The following SS18L1 variants were observed in gnomAD, a reference collection of about 807,000 sequenced individuals.
The protein encoded by SS18L1 is calcium-responsive transactivator.
SS18L1 carries 32 observed loss-of-function variants against 70.3 expected under a neutral mutation model. The ratio of observed to expected loss-of-function variants is 0.46; its 90% CI spans 0.34 to 0.61. The LOEUF (loss-of-function observed/expected upper bound fraction) is 0.61. SS18L1 is among the 20% of genes least tolerant of loss of function. The pLI is 0.01. For synonymous variants in SS18L1, 237 were observed against 229.7 expected, an observed-to-expected ratio of 1.03 and a Z score of -0.29; for missense variants, 430 against 542.1, an observed-to-expected ratio of 0.79 and a Z score of 2.05.
intron 1 of SS18L1, among the ~76,000 whole-genome samples, chr20:62,153,511 C>T (rs986578057): frequency 1.3e-5 from 2 of 151,484 alleles, no homozygotes; most frequent in Non-Finnish European, 2.9e-5. Context: ...TGCACACCTG[C>T]GCTCCCCACT....
intron 8 of SS18L1, among the ~76,000 whole-genome samples, chr20:62,168,294 G>A (rs545917890): frequency 6.6e-6 from 1 of 152,232 alleles, no homozygotes; most frequent in South Asian, 2.1e-4. Flanking sequence ...CTGACATGAG[G>A]AGTGCACATA....
chr20:62,169,582 T>A (rs1325465027), intron 8 of SS18L1, among the ~76,000 whole-genome samples: 2 of 152,044 alleles, frequency 1.3e-5, no homozygotes, highest in Non-Finnish European at 2.9e-5. Context: ...AGTTTGAGAC[T>A]AGCCTGGCCA....
At chr20:62,153,321 CACAG>C (rs1300222947) in intron 1 of SS18L1, among the ~76,000 whole-genome samples, 4 of 152,174 alleles carry the variant, frequency 2.6e-5, no homozygotes, top group Non-Finnish European at 5.9e-5. Context: ...TGGGTGGGGA[CACAG>C]ACAGACCCTA....
intron 3 of SS18L1, 99 bp downstream of exon 3, chr20:62,160,060 A>T: frequency 1.6e-6 from 2 of 1,251,124 alleles, no homozygotes; most frequent in Non-Finnish European, 2.2e-6. Flanking sequence ...AGCAAAGATG[A>T]CTCAGAGAAA....
intron 10 of SS18L1, among the ~76,000 whole-genome samples, chr20:62,177,813 T>C (rs6062122): frequency 0.26 from 38,672 of 150,098 alleles, 9,048 homozygotes; most frequent in African/African-American, 0.63. Context: ...CCTCTGCCTC[T>C]CGGGTTCTAG....
Position 62,158,748 on chromosome 20 carries a change from A to G in SS18L1, c.146A>G (p.Gln49Arg), listed in dbSNP as rs1442463493. ...AAGGGCAAGACGGCCGAGTGCACGC[A>G]GTGAGTGCCCGCCATACACCGGAAC... ...QSKGKTAECT[Q>R]YQQILHRNLV... The change falls in exon 2 of 11, where the codon CAG becomes CGG. Residue 49 changes from glutamine (Q) to arginine (R), a missense_variant and splice_region_variant. By Grantham distance (43) the Gln-to-Arg change is conservative. Coordinates refer to ENST00000331758, the MANE Select transcript of SS18L1 (RefSeq NM_198935.3). The surrounding 1 kb of genome is among the most constrained non-coding windows in gnomAD (Gnocchi z 4.5). 1.2e-6 allele frequency: 2 copies of G among 1,612,976 alleles called. No homozygotes were observed. The highest frequency in any genetic ancestry group is 3.3e-5 in the Admixed American group (2 of 60,026).
chr20:62,171,107 T>A (rs1437190172), intron 8 of SS18L1, among the ~76,000 whole-genome samples: 1 of 152,168 alleles, frequency 6.6e-6, no homozygotes, highest in African/African-American at 2.4e-5. Context: ...TTTCACCATG[T>A]TAGCCAGGAT....
intron 1 of SS18L1, among the ~76,000 whole-genome samples, chr20:62,156,320 A>C (rs988508473): frequency 2.0e-5 from 3 of 152,238 alleles, no homozygotes; most frequent in Admixed American, 2.0e-4. Flanking sequence ...ATCTGAAGGC[A>C]GAGCCATCTG....
intron 1 of SS18L1, among the ~76,000 whole-genome samples, chr20:62,156,456 A>AG (rs2057225521): frequency 6.6e-6 from 1 of 152,130 alleles, no homozygotes; most frequent in Non-Finnish European, 1.5e-5. Context: ...GGCTCAGCTG[A>AG]GTGCAGGGCA....
Position 62,179,397 on chromosome 20 carries a change from T to G in SS18L1, c.*189T>G. ...CACACCACTGGCGTGAGACAGCGCT[T>G]GGTGGTGTGATACTTTTGGTGCTGT... is the stretch of plus-strand genomic sequence containing the variant. On this transcript the variant is annotated 3_prime_UTR_variant, in exon 11 of 11. Coordinates refer to ENST00000331758, the MANE Select transcript of SS18L1 (RefSeq NM_198935.3). 1 of 639,734 alleles carries G rather than the reference T, an allele frequency of 1.6e-6. No individual in the cohort carries two copies. Among genetic ancestry groups the G allele is most frequent in the East Asian group, 2.7e-5 (1 of 36,628 alleles). The allele number at this position is 639,734 out of a possible 1,614,324, so 39.6% of individuals were successfully genotyped here.
chr20:62,157,609 C>T (rs1243088117), intron 1 of SS18L1, among the ~76,000 whole-genome samples: 1 of 152,216 alleles, frequency 6.6e-6, no homozygotes, highest in African/African-American at 2.4e-5. Context: ...CTGGGAGGCC[C>T]ACATCTGGCT....
chr20:62,158,034 G>T lies in SS18L1; in HGVS notation c.70-638G>T, dbSNP rs1601009712. Among the ~76,000 whole-genome samples the T allele has an allele frequency of 6.6e-6, 1 of 152,266 alleles. No homozygotes were observed. The highest frequency in any genetic ancestry group is 1.5e-5 in the Non-Finnish European group (1 of 68,020). On this transcript the variant is annotated intron_variant, in intron 1 of 10. Transcript: ENST00000331758. The surrounding 1 kb of genome is among the most constrained non-coding windows in gnomAD (Gnocchi z 4.5). ...GGACCCCTGCTGATCCTTGGGAGGG[G>T]GCAGTTACCTGTGCCCCACCCTGTG...
Position 62,158,319 on chromosome 20 carries a change from G to A in SS18L1, c.70-353G>A, listed in dbSNP as rs957388364. Among the ~76,000 whole-genome samples, 1 of 151,636 alleles carries A rather than the reference G, an allele frequency of 6.6e-6. No homozygotes were observed. The highest frequency in any genetic ancestry group is 2.4e-5 in the African/African-American group (1 of 41,256). On this transcript the variant is annotated intron_variant, in intron 1 of 10. Transcript: ENST00000331758. This position sits in a 1 kb window ranked among gnomAD's most constrained non-coding sequence, Gnocchi z 4.5. ...CCAGCACAGGGAGGTGTGAATGTTC[G>A]GTCTGTGGTGGCTGAGGCAATGCAC...
intron 1 of SS18L1, among the ~76,000 whole-genome samples, chr20:62,154,918 T>G (rs2057195868): frequency 1.3e-5 from 2 of 150,950 alleles, no homozygotes; most frequent in East Asian, 3.9e-4. Flanking sequence ...TTTCCAGGAC[T>G]CCTCCTCAAC....
In SS18L1 at chr20:62,179,789, C is replaced by T. The variant is rs914850382; in HGVS notation, c.*581C>T. 5 of 230,388 alleles carry T rather than the reference C, an allele frequency of 2.2e-5. No individual in the cohort carries two copies. The highest frequency in any genetic ancestry group is 6.2e-5 in the East Asian group (1 of 16,134). The allele number at this position is 230,388 out of a possible 1,614,324, so 14.3% of individuals were successfully genotyped here. On this transcript the variant is annotated 3_prime_UTR_variant, in exon 11 of 11. Coordinates refer to ENST00000331758, the MANE Select transcript of SS18L1 (RefSeq NM_198935.3). ...TAACGAAAAGGATAAACATCTCCCACGGGAGAGGCCACAGATGGCCACTTC... is the reference window on the plus strand; with the variant it reads ...TAACGAAAAGGATAAACATCTCCCATGGGAGAGGCCACAGATGGCCACTTC...
intron 5 of SS18L1, 122 bp from the exon 6 acceptor site, chr20:62,163,336 T>C (rs1163225647): frequency 6.3e-6 from 9 of 1,417,852 alleles, no homozygotes; most frequent in Non-Finnish European, 8.6e-6. Flanking sequence ...TGGAGGACGC[T>C]GTCCTCGTGG....
intron 8 of SS18L1, among the ~76,000 whole-genome samples, chr20:62,169,516 C>A (rs567315628): frequency 2.0e-5 from 3 of 152,286 alleles, no homozygotes; most frequent in Admixed American, 2.0e-4. Context: ...GAGTGGCTCA[C>A]GCCTGTAATC....
In SS18L1 at chr20:62,179,202, G is replaced by C; in HGVS notation, c.1185G>C (p.Gln395His). ...TTTAGGGCCAGTATGGAAATTACCA[G>C]CAGTAAGGGACACACATTCTGGCTG... is the stretch of plus-strand genomic sequence containing the variant. Reference protein sequence around the residue: ...GYEQGQYGNYQQ With the variant: ...GYEQGQYGNYHQ Residue 395 changes from glutamine (Q) to histidine (H), a missense_variant, in exon 11 of 11, where the codon CAG becomes CAC. Transcript: ENST00000331758. 1 of 1,614,178 alleles carries C rather than the reference G, an allele frequency of 6.2e-7. No homozygotes were observed. Among genetic ancestry groups the C allele is most frequent in the Non-Finnish European group, 8.5e-7 (1 of 1,180,008 alleles).
In SS18L1 at chr20:62,179,394, G is replaced by A. The variant is rs767672815; in HGVS notation, c.*186G>A. 17 of 642,632 alleles carry A rather than the reference G, an allele frequency of 2.6e-5. No individual in the cohort carries two copies. The highest frequency in any genetic ancestry group is 3.7e-5 in the South Asian group (2 of 54,046). 39.8% of individuals were successfully genotyped at this position (642,632 alleles called of 1,614,324 possible). A position where few individuals can be genotyped will look rare whatever the true frequency, so the allele number is the denominator to read the frequency against. The stretch of plus-strand genomic sequence containing the variant: ...GCGCACACCACTGGCGTGAGACAGC[G>A]CTTGGTGGTGTGATACTTTTGGTGC... On this transcript the variant is annotated 3_prime_UTR_variant, in exon 11 of 11. Transcript: ENST00000331758.
Sources: allele counts gnomAD v4.1 joint callset (sites outside exome capture counted in the v4.1 genomes callset), GRCh38; gene constraint gnomAD v4.1.1; non-coding constraint Gnocchi (gnomAD v3.1); transcripts MANE v1.5; gene names NCBI Gene and HGNC (gene_info 2026-07-23, HGNC 2026-07-21).